Variants in SLC26A7 observed in about 807,000 individuals in gnomAD.
SLC26A7 encodes anion exchange transporter.
In SLC26A7, 59 loss-of-function variants were observed where a neutral mutation model predicts 82.5. That is an observed-to-expected ratio of 0.72 (90% CI 0.58 to 0.89). The LOEUF (loss-of-function observed/expected upper bound fraction) is 0.89. SLC26A7 is among the 40% of genes least tolerant of loss of function. The pLI is 0.00. For missense variants in SLC26A7, 820 were observed against 793.0 expected (o/e 1.03, Z -0.41); for synonymous variants, 271 against 274.3 (o/e 0.99, Z 0.12).
intron 2 of SLC26A7, among the ~76,000 whole-genome samples, chr8:91,220,898 T>A (rs1810150358): frequency 6.6e-6 from 1 of 152,180 alleles, no homozygotes; most frequent in African/African-American, 2.4e-5. Flanking sequence ...AAATGGTATT[T>A]CTGGTTCTAG....
chr8:91,386,648 G>A (rs1049700785), intron 15 of SLC26A7, among the ~76,000 whole-genome samples: 2 of 152,140 alleles, frequency 1.3e-5, no homozygotes, highest in Non-Finnish European at 2.9e-5. Context: ...GTGATATGCT[G>A]GTGAATAACA....
At chr8:91,273,658 A>G (rs1214592788) in intron 2 of SLC26A7, among the ~76,000 whole-genome samples, 1 of 152,210 alleles carries the variant, frequency 6.6e-6, no homozygotes, top group African/African-American at 2.4e-5. Flanking sequence ...ACAAAATCAG[A>G]TACAACCAAA....
chr8:91,292,485 T>C (rs1350753427), intron 3 of SLC26A7, among the ~76,000 whole-genome samples: 3 of 152,222 alleles, frequency 2.0e-5, no homozygotes, highest in African/African-American at 7.2e-5. Flanking sequence ...TTAATTTTGA[T>C]GCATATGCAT....
At chr8:91,224,660 C>G (rs942050354) in intron 2 of SLC26A7, among the ~76,000 whole-genome samples, 7 of 152,150 alleles carry the variant, frequency 4.6e-5, no homozygotes, top group Admixed American at 2.6e-4. Context: ...AAGGTCTCAC[C>G]CAGTTGGGTG....
chr8:91,374,586 A>G (rs190357440), intron 15 of SLC26A7, among the ~76,000 whole-genome samples: 2 of 152,176 alleles, frequency 1.3e-5, no homozygotes, highest in African/African-American at 4.8e-5. Context: ...CTGTATTCCA[A>G]AAAGATGCTT....
chr8:91,356,051 C>T (rs965832058), intron 11 of SLC26A7, among the ~76,000 whole-genome samples: 3 of 150,748 alleles, frequency 2.0e-5, no homozygotes, highest in African/African-American at 7.5e-5. Context: ...CTACAAAGGA[C>T]ATGAACTCAT....
intron 5 of SLC26A7, among the ~76,000 whole-genome samples, chr8:91,320,995 A>G (rs1225366382): frequency 6.6e-6 from 1 of 152,196 alleles, no homozygotes; most frequent in Admixed American, 6.5e-5. Flanking sequence ...AAAAGAGTCC[A>G]GTTTTAGCCA....
intron 3 of SLC26A7, among the ~76,000 whole-genome samples, chr8:91,292,733 T>C (rs1811907166): frequency 7.1e-6 from 1 of 139,888 alleles, no homozygotes; most frequent in South Asian, 2.2e-4. Context: ...TTAAAATAGG[T>C]TTTTTTTTTA....
intron 2 of SLC26A7, among the ~76,000 whole-genome samples, chr8:91,272,125 T>G (rs1811289633): frequency 6.6e-6 from 1 of 152,180 alleles, no homozygotes; most frequent in Admixed American, 6.5e-5. Context: ...ACAGTCCTAT[T>G]GATGATGACT....
At chr8:91,211,627 A>AT (rs1214040406) in intron 1 of SLC26A7, among the ~76,000 whole-genome samples, 25 of 133,368 alleles carry the variant, frequency 1.9e-4, no homozygotes, top group Admixed American at 4.5e-4. Flanking sequence ...TTTTTTTTTT[A>AT]TTTTTTTTGC....
intron 13 of SLC26A7, among the ~76,000 whole-genome samples, chr8:91,364,359 A>G (rs1029208186): frequency 6.6e-6 from 1 of 152,190 alleles, no homozygotes; most frequent in African/African-American, 2.4e-5. Context: ...GAGTCAGGGT[A>G]TTTCCAAATA....
At chr8:91,240,313 A>T (rs1810456794) in intron 2 of SLC26A7, among the ~76,000 whole-genome samples, 1 of 152,210 alleles carries the variant, frequency 6.6e-6, no homozygotes, top group Non-Finnish European at 1.5e-5. Context: ...ACACAATATC[A>T]TCCCAATCTG....
intron 2 of SLC26A7, among the ~76,000 whole-genome samples, chr8:91,234,426 G>A (rs1396989975): frequency 6.6e-6 from 1 of 151,642 alleles, no homozygotes; most frequent in Non-Finnish European, 1.5e-5. Flanking sequence ...CATTACTAAA[G>A]CAATGACACA....
Position 91,334,295 on chromosome 8 carries a change from A to G in SLC26A7, c.643A>G (p.Ile215Val), listed in dbSNP as rs16912250. The G allele has an allele frequency of 0.027, 42,958 of 1,606,452 alleles. 670 individuals carry two copies. Among genetic ancestry groups the G allele is most frequent in the African/African-American group, 0.034 (2,554 of 74,550 alleles). ...YISGPLGFFY[I>V]YAYVFENIKS... ...TTTGTATTTTTTCTCATTACTGTAGATTTATGCATATGTTTTTGAAAACAT... is the reference window on the plus strand; with the variant it reads ...TTTGTATTTTTTCTCATTACTGTAGGTTTATGCATATGTTTTTGAAAACAT... Residue 215 changes from isoleucine to valine, a missense_variant and splice_region_variant, in exon 6 of 19, where the codon ATT (isoleucine) becomes GTT (valine). By Grantham distance (29) the Ile-to-Val change is conservative. Transcript: ENST00000276609.
chr8:91,268,496 A>G (rs376137708), intron 2 of SLC26A7, among the ~76,000 whole-genome samples: 1 of 151,682 alleles, frequency 6.6e-6, no homozygotes, highest in African/African-American at 2.4e-5. Context: ...ATCTTTTTCT[A>G]TCTCTTCGCT....
chr8:91,284,492 A>G (rs1811658183), intron 2 of SLC26A7, among the ~76,000 whole-genome samples: 1 of 152,230 alleles, frequency 6.6e-6, no homozygotes, highest in African/African-American at 2.4e-5. Flanking sequence ...GACTAACCAC[A>G]GTTCCAAATA....
intron 1 of SLC26A7, among the ~76,000 whole-genome samples, chr8:91,215,107 A>G (rs144816092): frequency 6.8e-4 from 103 of 152,202 alleles, no homozygotes; most frequent in African/African-American, 2.4e-3. Context: ...TAGGTAGTCC[A>G]GGGTAACTTC....
intron 8 of SLC26A7, among the ~76,000 whole-genome samples, chr8:91,342,219 C>T (rs866357944): frequency 9.9e-5 from 15 of 152,152 alleles, no homozygotes; most frequent in South Asian, 2.1e-4. Flanking sequence ...CATGAGCCAC[C>T]GTGCTCAGCC....
At chr8:91,227,612 G>T (rs566843584) in intron 2 of SLC26A7, among the ~76,000 whole-genome samples, 1 of 152,176 alleles carries the variant, frequency 6.6e-6, no homozygotes, top group South Asian at 2.1e-4. Context: ...GGATTCAGTG[G>T]ATAAAGAGTT....
Sources: gnomAD v4.1 joint callset for allele counts (sites outside exome capture counted in the v4.1 genomes callset) on GRCh38, gnomAD v4.1.1 for gene constraint, MANE v1.5 for transcripts, NCBI Gene and HGNC (gene_info 2026-07-23, HGNC 2026-07-21) for gene names.